The following UST variants were observed in gnomAD, a reference collection of about 807,000 sequenced individuals.
The protein encoded by UST is chondroitin sulfate 2-O-sulfotransferase.
UST carries 21 observed loss-of-function variants against 45.6 expected under a neutral mutation model. That is an observed-to-expected ratio of 0.46 (90% CI 0.33 to 0.66). The LOEUF is 0.66. Among genes scored for constraint, UST ranks in the 30% least tolerant of loss-of-function variants. The pLI is 0.02. For synonymous variants in UST, 215 were observed against 200.6 expected (o/e 1.07, Z -0.61); for missense variants, 463 against 512.4 (o/e 0.90, Z 0.93).
intron 2 of UST, among the ~76,000 whole-genome samples, chr6:148,940,423 G>T (rs1403415575): frequency 6.6e-6 from 1 of 152,154 alleles, no homozygotes; most frequent in Non-Finnish European, 1.5e-5. Flanking sequence ...GAGCCCGGGA[G>T]ACGGAGGTTG....
intron 1 of UST, among the ~76,000 whole-genome samples, chr6:148,763,652 TTCA>T (rs1776263984): frequency 6.6e-6 from 1 of 152,220 alleles, no homozygotes; most frequent in African/African-American, 2.4e-5. Context: ...AAGTCTTTAA[TTCA>T]TCTTGAGTTA....
At chr6:148,903,528 A>T (rs1249054246) in intron 2 of UST, among the ~76,000 whole-genome samples, 1 of 152,200 alleles carries the variant, frequency 6.6e-6, no homozygotes, top group Non-Finnish European at 1.5e-5. Flanking sequence ...GTGGGTTGTG[A>T]TCTTGCACTC....
rs775765709 is a variant in UST, at chr6:149,019,133, TTC to T, written c.682-4_682-3del. 23 of 1,606,384 alleles carry T rather than the reference TTC, an allele frequency of 1.4e-5. No individual in the cohort carries two copies. In the East Asian group the frequency reaches 2.2e-4, roughly 16 times the overall value. On this transcript the variant is annotated splice_region_variant and splice_polypyrimidine_tract_variant and intron_variant, in intron 5 of 7. Transcript: ENST00000367463. ...AGACATCTGACTGCTGTATTTTCTC[TTC>T]TAGGATATCAATGAGTGTATTCTTG...
intron 2 of UST, among the ~76,000 whole-genome samples, chr6:148,918,671 G>A (rs940744479): frequency 4.6e-5 from 7 of 152,120 alleles, no homozygotes; most frequent in African/African-American, 1.2e-4. Context: ...ATTAGGCTCC[G>A]CCAGATGGCT....
chr6:148,937,156 A>G (rs1780041013), intron 2 of UST, among the ~76,000 whole-genome samples: 2 of 152,224 alleles, frequency 1.3e-5, no homozygotes, highest in Non-Finnish European at 1.5e-5. Context: ...CCTAAATTTC[A>G]GACAGGTTTA....
At chr6:149,051,069 A>G (rs572015312) in intron 7 of UST, among the ~76,000 whole-genome samples, 1 of 152,352 alleles carries the variant, frequency 6.6e-6, no homozygotes, top group African/African-American at 2.4e-5. Flanking sequence ...GTCTAGAGAC[A>G]CAGATCAGGT....
intron 7 of UST, among the ~76,000 whole-genome samples, chr6:149,055,758 A>C (rs998317809): frequency 6.6e-6 from 1 of 152,182 alleles, no homozygotes; most frequent in African/African-American, 2.4e-5. Context: ...CTGGTGGTTA[A>C]TGGTCAGTGC....
At chr6:148,890,366 C>T (rs956784920) in intron 2 of UST, among the ~76,000 whole-genome samples, 4 of 152,072 alleles carry the variant, frequency 2.6e-5, no homozygotes, top group East Asian at 3.9e-4. Flanking sequence ...GGCATGCAGA[C>T]GATGAGGACT....
intron 1 of UST, among the ~76,000 whole-genome samples, chr6:148,841,874 GTGGGCAGATCACC>G (rs1473778550): frequency 6.6e-6 from 1 of 152,224 alleles, no homozygotes; most frequent in Non-Finnish European, 1.5e-5. Context: ...GGAGGCCAAG[GTGGGCAGATCACC>G]TGCGGTAAGG....
At chr6:148,922,338 G>A (rs1466299968) in intron 2 of UST, among the ~76,000 whole-genome samples, 1 of 141,482 alleles carries the variant, frequency 7.1e-6, no homozygotes, top group Non-Finnish European at 1.5e-5. Context: ...TTTCATATAA[G>A]TGGAATCATA....
intron 1 of UST, among the ~76,000 whole-genome samples, chr6:148,756,227 G>A (rs1582790587): frequency 6.6e-6 from 1 of 151,994 alleles, no homozygotes; most frequent in African/African-American, 2.4e-5. Flanking sequence ...GGTTTCATAA[G>A]GGGCTTTTCC....
rs141350038 is a variant in UST at position 149,015,654 on chromosome 6, A to G, written c.682-3485A>G. ...TTTTTTAAAAAAGCAATCTTACCCT[A>G]GAAGCACTACATGGAAGGAAAAAAT... On this transcript the variant is annotated intron_variant, in intron 5 of 7. Transcript: ENST00000367463. 2.7e-3 allele frequency among the ~76,000 whole-genome samples: 407 copies of G among 152,330 alleles called. 1 individual carries two copies. Among genetic ancestry groups the G allele is most frequent in the African/African-American group, 9.4e-3 (392 of 41,568 alleles).
At chr6:148,929,581 G>A (rs1198347431) in intron 2 of UST, among the ~76,000 whole-genome samples, 1 of 152,192 alleles carries the variant, frequency 6.6e-6, no homozygotes, top group East Asian at 1.9e-4. Context: ...AGTATGGAAT[G>A]AGGCCTAAAA....
chr6:149,058,746 A>G (rs1246036876), intron 7 of UST, among the ~76,000 whole-genome samples: 1 of 152,262 alleles, frequency 6.6e-6, no homozygotes, highest in Non-Finnish European at 1.5e-5. Flanking sequence ...TGATAAAGAC[A>G]TAGTAATTCT....
intron 7 of UST, among the ~76,000 whole-genome samples, chr6:149,073,536 CT>C (rs2115048331): frequency 6.6e-6 from 1 of 152,332 alleles, no homozygotes; most frequent in African/African-American, 2.4e-5. Flanking sequence ...ATAGATTCTG[CT>C]GTTCAAAAGA....
chr6:148,819,629 AT>A (rs1205439556), intron 1 of UST, among the ~76,000 whole-genome samples: 1 of 152,268 alleles, frequency 6.6e-6, no homozygotes, highest in South Asian at 2.1e-4. Flanking sequence ...CTGGAGTTGT[AT>A]TTTTTGCTAT....
intron 7 of UST, among the ~76,000 whole-genome samples, chr6:149,065,541 G>C (rs559058679): frequency 2.0e-5 from 3 of 152,254 alleles, no homozygotes; most frequent in Admixed American, 1.3e-4. Context: ...CCTGGTTATG[G>C]TGCAGTACTT....
At chr6:148,848,961 G>C (rs1778052203) in intron 1 of UST, among the ~76,000 whole-genome samples, 1 of 152,128 alleles carries the variant, frequency 6.6e-6, no homozygotes, top group Admixed American at 6.6e-5. Context: ...GGGCCCACTG[G>C]TACAAGTCCT....
chr6:148,805,064 T>A (rs9386237), intron 1 of UST, among the ~76,000 whole-genome samples: 1 of 152,156 alleles, frequency 6.6e-6, no homozygotes, highest in East Asian at 1.9e-4. Context: ...TTTATATTTT[T>A]GAGTTTCACG....
Sources: allele counts gnomAD v4.1 joint callset (sites outside exome capture counted in the v4.1 genomes callset), GRCh38; gene constraint gnomAD v4.1.1; transcripts MANE v1.5; gene names NCBI Gene and HGNC (gene_info 2026-07-23, HGNC 2026-07-21).